Variants in SYNPR observed in about 807,000 individuals in gnomAD.
SYNPR encodes the protein synaptoporin.
In SYNPR, 23 loss-of-function variants were observed where a neutral mutation model predicts 32.9. That is an observed-to-expected ratio of 0.70 (90% CI 0.50 to 0.99). SYNPR has a LOEUF of 0.99. Among genes scored for constraint, SYNPR ranks in the 50% least tolerant of loss-of-function variants. The probability of loss-of-function intolerance (pLI) is 0.00; values close to 1 mark genes in which losing one functional copy is unlikely to be tolerated. For missense variants in SYNPR, 318 were observed against 349.3 expected, an observed-to-expected ratio of 0.91 and a Z score of 0.71; for synonymous variants, 146 against 135.9, an observed-to-expected ratio of 1.07 and a Z score of -0.52.
chr3:63,589,228 C>T (rs1349410063), intron 4 of SYNPR, among the ~76,000 whole-genome samples: 6 of 152,116 alleles, frequency 3.9e-5, no homozygotes, highest in Admixed American at 6.6e-5. Flanking sequence ...ATCTGTGTCA[C>T]TTTCTGTCTC....
intron 1 of SYNPR, 55 bp from the exon 2 acceptor site, chr3:63,278,622 C>A: frequency 6.5e-7 from 1 of 1,550,348 alleles, no homozygotes; most frequent in Non-Finnish European, 8.7e-7. Flanking sequence ...GGGAGAGGCG[C>A]CCCCAGCCCC....
At chr3:63,553,299 C>T (rs376531260) in intron 3 of SYNPR, among the ~76,000 whole-genome samples, 5 of 152,118 alleles carry the variant, frequency 3.3e-5, no homozygotes, top group African/African-American at 1.2e-4. Context: ...CATAGTATTC[C>T]GTGGGGTATA....
chr3:63,319,840 G>A (rs946228276), intron 2 of SYNPR, among the ~76,000 whole-genome samples: 1 of 151,976 alleles, frequency 6.6e-6, no homozygotes, highest in South Asian at 2.1e-4. Flanking sequence ...ATATCATGTT[G>A]TTGTATTGTT....
intron 2 of SYNPR, among the ~76,000 whole-genome samples, chr3:63,333,000 T>C (rs939983666): frequency 3.3e-5 from 5 of 152,012 alleles, no homozygotes; most frequent in Non-Finnish European, 7.4e-5. Flanking sequence ...ACCAAAAATG[T>C]CTCCAGATAC....
At chr3:63,484,491 G>C (rs191548126) in intron 3 of SYNPR, among the ~76,000 whole-genome samples, 1 of 152,008 alleles carries the variant, frequency 6.6e-6, no homozygotes, top group East Asian at 1.9e-4. Context: ...ATGAATAAAA[G>C]ATAGAGAAGG....
intron 4 of SYNPR, among the ~76,000 whole-genome samples, chr3:63,558,008 G>C (rs889776488): frequency 6.6e-6 from 1 of 152,218 alleles, no homozygotes; most frequent in Non-Finnish European, 1.5e-5. Flanking sequence ...TGTCTTTCTT[G>C]AGAGACTGCA....
At chr3:63,584,476 C>T (rs1703147782) in intron 4 of SYNPR, among the ~76,000 whole-genome samples, 1 of 151,900 alleles carries the variant, frequency 6.6e-6, no homozygotes, top group African/African-American at 2.4e-5. Flanking sequence ...GCTGGGTATA[C>T]AGGAACTGCC....
intron 3 of SYNPR, among the ~76,000 whole-genome samples, chr3:63,516,542 A>T (rs1457419673): frequency 2.0e-5 from 3 of 152,170 alleles, no homozygotes; most frequent in Admixed American, 2.0e-4. Flanking sequence ...TACAGTGCAG[A>T]CATCGTAACC....
At chr3:63,406,926 C>T (rs1164961073) in intron 2 of SYNPR, among the ~76,000 whole-genome samples, 2 of 152,124 alleles carry the variant, frequency 1.3e-5, no homozygotes, top group African/African-American at 2.4e-5. Flanking sequence ...GGCCACAGAT[C>T]GGTCCATGTT....
At chr3:63,280,042 A>C (rs895583235) in intron 2 of SYNPR, among the ~76,000 whole-genome samples, 2 of 152,188 alleles carry the variant, frequency 1.3e-5, no homozygotes, top group Non-Finnish European at 2.9e-5. Context: ...CATTCAATAA[A>C]TATTTCCTGT....
chr3:63,519,501 C>T (rs1185843325), intron 3 of SYNPR, among the ~76,000 whole-genome samples: 1 of 152,198 alleles, frequency 6.6e-6, no homozygotes, highest in East Asian at 1.9e-4. Flanking sequence ...TAGCTGTGCT[C>T]CTTGTTGCCT....
intron 2 of SYNPR, among the ~76,000 whole-genome samples, chr3:63,289,785 C>T (rs1001920832): frequency 3.3e-5 from 5 of 152,094 alleles, no homozygotes; most frequent in Admixed American, 1.3e-4. Context: ...TTATTAAGTG[C>T]TATGCACATG....
intron 3 of SYNPR, among the ~76,000 whole-genome samples, chr3:63,487,377 T>C (rs1701176433): frequency 6.6e-6 from 1 of 152,218 alleles, no homozygotes; most frequent in Non-Finnish European, 1.5e-5. Flanking sequence ...AGTATTGTTA[T>C]AAATATTAAA....
chr3:63,294,471 A>G (rs984901859), intron 2 of SYNPR, among the ~76,000 whole-genome samples: 3 of 152,242 alleles, frequency 2.0e-5, no homozygotes, highest in Non-Finnish European at 2.9e-5. Context: ...TTTAATGAAC[A>G]GAACGGATTC....
At chr3:63,259,182 A>G (rs2086415848) in intron 2 of SYNPR, among the ~76,000 whole-genome samples, 1 of 152,194 alleles carries the variant, frequency 6.6e-6, no homozygotes. Context: ...AAACTATTCC[A>G]ACCAACAGAA....
chr3:63,256,104 A>G (rs1013018813), intron 2 of SYNPR, among the ~76,000 whole-genome samples: 2 of 152,212 alleles, frequency 1.3e-5, no homozygotes, highest in African/African-American at 4.8e-5. Flanking sequence ...ACCGCAGCTC[A>G]AGGAAGCCTG....
rs1156921539 is a variant in SYNPR, at chr3:63,389,405, C to T, written c.85-91427C>T. ...TTCATTCTCAGGCAGGCTCTCCCAACGATGGAAAGTGGCAAACTTATCATC... is the reference window on the plus strand; with the variant it reads ...TTCATTCTCAGGCAGGCTCTCCCAATGATGGAAAGTGGCAAACTTATCATC... On this transcript the variant is annotated intron_variant, in intron 2 of 5. Coordinates refer to ENST00000478300, the MANE Select transcript of SYNPR (RefSeq NM_001130003.2). 4.6e-5 allele frequency among the ~76,000 whole-genome samples: 7 copies of T among 152,300 alleles called. No individual in the cohort carries two copies. The East Asian group carries it at 9.6e-4, about 21-fold the overall frequency.
intron 2 of SYNPR, among the ~76,000 whole-genome samples, chr3:63,422,990 A>T (rs75956357): frequency 6.6e-6 from 1 of 152,250 alleles, no homozygotes; most frequent in Non-Finnish European, 1.5e-5. Flanking sequence ...TTTATATATC[A>T]ACATAGATCT....
intron 3 of SYNPR, among the ~76,000 whole-genome samples, chr3:63,544,054 A>G (rs1252715194): frequency 2.0e-5 from 3 of 152,052 alleles, no homozygotes; most frequent in Non-Finnish European, 4.4e-5. Flanking sequence ...ACTAAGTACA[A>G]GAGGAAACCG....
Sources: allele counts gnomAD v4.1 joint callset (sites outside exome capture counted in the v4.1 genomes callset), GRCh38; gene constraint gnomAD v4.1.1; transcripts MANE v1.5; gene names NCBI Gene and HGNC (gene_info 2026-07-23, HGNC 2026-07-21).